Variants in TEK observed in about 807,000 individuals in gnomAD.
The protein encoded by TEK is TEK receptor tyrosine kinase, also known as angiopoietin-1 receptor.
Under a neutral mutation model 131.8 loss-of-function variants are expected in TEK, and 43 were observed. That is an observed-to-expected ratio of 0.33 (90% CI 0.26 to 0.42). The LOEUF (loss-of-function observed/expected upper bound fraction) is 0.42. Among genes scored for constraint, TEK ranks in the 10% least tolerant of loss-of-function variants. TEK has a pLI of 1.00. For synonymous variants in TEK, 580 were observed against 491.6 expected, an observed-to-expected ratio of 1.18 and a Z score of -2.38; for missense variants, 1,162 against 1,384.4, an observed-to-expected ratio of 0.84 and a Z score of 2.55.
intron 13 of TEK, among the ~76,000 whole-genome samples, chr9:27,204,693 GTTT>G (rs369682417): frequency 2.8e-4 from 40 of 144,174 alleles, no homozygotes; most frequent in African/African-American, 7.7e-4. Context: ...ACTTTTGCAT[GTTT>G]TTTTTTTTTT....
chr9:27,227,038 A>G (rs1826361638), intron 21 of TEK, among the ~76,000 whole-genome samples: 1 of 152,114 alleles, frequency 6.6e-6, no homozygotes, highest in Admixed American at 6.6e-5. Context: ...CTAAAATTCC[A>G]CCTTTTGAGA....
intron 1 of TEK, among the ~76,000 whole-genome samples, chr9:27,135,580 T>C (rs1030705007): frequency 4.6e-5 from 7 of 152,240 alleles, no homozygotes; most frequent in Admixed American, 2.0e-4. Context: ...TTTTTTTTCG[T>C]ATGTATGTAT....
At chr9:27,121,557 A>G (rs548162141) in intron 1 of TEK, among the ~76,000 whole-genome samples, 1 of 150,906 alleles carries the variant, frequency 6.6e-6, no homozygotes, top group South Asian at 2.1e-4. Flanking sequence ...ATTATATGCA[A>G]TATGCAAAAT....
intron 2 of TEK, among the ~76,000 whole-genome samples, chr9:27,167,620 T>C (rs569922350): frequency 6.6e-6 from 1 of 152,324 alleles, no homozygotes; most frequent in East Asian, 1.9e-4. Context: ...TTCATACATA[T>C]ATAATTAAAA....
chr9:27,173,285 A>T lies in TEK; in HGVS notation c.824A>T (p.Lys275Met). 6.2e-7 allele frequency: 1 copy of T among 1,614,088 alleles called. No individual in the cohort carries two copies. Among genetic ancestry groups the T allele is most frequent in the Non-Finnish European group, 8.5e-7 (1 of 1,179,948 alleles). The change falls in exon 6 of 23, where the codon AAG becomes ATG. Residue 275 changes from lysine to methionine, a missense_variant. Transcript: ENST00000380036. ...KERCSGQEGC[K>M]SYVFCLPDPY... ...AGGTGCAGTGGACAAGAGGGATGCA[A>T]GTCTTATGTGTTCTGTCTCCCTGAC...
At chr9:27,213,809 G>A (rs1451066496) in intron 18 of TEK, among the ~76,000 whole-genome samples, 1 of 152,204 alleles carries the variant, frequency 6.6e-6, no homozygotes, top group Non-Finnish European at 1.5e-5. Context: ...AGAAGGCACT[G>A]TCATGTGTGA....
At chr9:27,228,340 G>C in intron 22 of TEK, 35 bp downstream of exon 22, 1 of 1,502,190 alleles carries the variant, frequency 6.7e-7, no homozygotes, top group East Asian at 2.3e-5. Context: ...ATCTTTAATT[G>C]GAATACCTGA....
At chr9:27,172,148 G>C (rs1007374862) in intron 4 of TEK, among the ~76,000 whole-genome samples, 5 of 152,132 alleles carry the variant, frequency 3.3e-5, no homozygotes, top group Non-Finnish European at 7.4e-5. Flanking sequence ...GTGGGATCTG[G>C]GGTTTGCATT....
chr9:27,195,582 C>G (rs1270277673), intron 11 of TEK: 1 of 453,770 alleles, frequency 2.2e-6, no homozygotes, highest in Non-Finnish European at 4.4e-6. Context: ...TAGAGGATCT[C>G]TATCCTACGT....
At chr9:27,137,491 C>T (rs73643145) in intron 1 of TEK, among the ~76,000 whole-genome samples, 1 of 151,986 alleles carries the variant, frequency 6.6e-6, no homozygotes, top group Non-Finnish European at 1.5e-5. Context: ...AAACAAAGTT[C>T]TTATATTACA....
At chr9:27,206,411 A>C (rs1825401652) in intron 14 of TEK, among the ~76,000 whole-genome samples, 171 bp from the exon 15 acceptor site, 1 of 152,248 alleles carries the variant, frequency 6.6e-6, no homozygotes, top group Non-Finnish European at 1.5e-5. Flanking sequence ...CCCTGTGGGC[A>C]GCTGGTTTAT....
rs1824401278 is a variant in TEK, at chr9:27,182,126, G to A, written c.1031-1333G>A. 2.0e-5 allele frequency among the ~76,000 whole-genome samples: 3 copies of A among 152,176 alleles called. No homozygotes were observed. In the South Asian group the frequency reaches 6.2e-4, roughly 31 times the overall value. On this transcript the variant is annotated intron_variant, in intron 7 of 22. Transcript: ENST00000380036. ...GAACGTGGGCAGCTAACAAGTTTAA[G>A]GATTTGAATTTTGTGCTTTGTTCCT...
At position 27,212,915 on chromosome 9, in the gene TEK, C is replaced by T. The variant is rs768487170; in HGVS notation, c.2877+18C>T. 14 of 1,612,132 alleles carry T rather than the reference C, an allele frequency of 8.7e-6. No homozygotes were observed. Among genetic ancestry groups the T allele is most frequent in the East Asian group, 2.2e-5 (1 of 44,824 alleles). On this transcript the variant is annotated intron_variant, in intron 17 of 22. Coordinates refer to ENST00000380036, the MANE Select transcript of TEK (RefSeq NM_000459.5). ...AAAAACAGGTTTGTCCGGAGGACTT[C>T]GCTTTGGATATCTTTCCTGTGGAGT...
At chr9:27,220,206 C>A (rs1826007401) in intron 21 of TEK, 61 bp downstream of exon 21, 1 of 1,534,582 alleles carries the variant, frequency 6.5e-7, no homozygotes, top group Admixed American at 1.7e-5. Context: ...GTTTCTGGGG[C>A]CAGCTGACTC....
intron 21 of TEK, among the ~76,000 whole-genome samples, chr9:27,223,054 T>C (rs934502879): frequency 4.5e-4 from 68 of 152,304 alleles, no homozygotes; most frequent in African/African-American, 1.5e-3. Context: ...AAGGGATCAA[T>C]GCACCAAGAA....
At chr9:27,221,710 T>TAGTATCAACATCAACA (rs1826090111) in intron 21 of TEK, among the ~76,000 whole-genome samples, 1 of 152,074 alleles carries the variant, frequency 6.6e-6, no homozygotes, top group Non-Finnish European at 1.5e-5. Context: ...CAGAAAGGAA[T>TAGTATCAACATCAACA]AGTATCAACA....
At chr9:27,111,550 A>T (rs1821348267) in intron 1 of TEK, among the ~76,000 whole-genome samples, 1 of 148,762 alleles carries the variant, frequency 6.7e-6, no homozygotes, top group African/African-American at 2.5e-5. Flanking sequence ...AAAAAAAGCC[A>T]CTTTTTTTTA....
intron 21 of TEK, among the ~76,000 whole-genome samples, chr9:27,220,518 T>A (rs927415248): frequency 6.6e-6 from 1 of 152,224 alleles, no homozygotes; most frequent in African/African-American, 2.4e-5. Context: ...GCTGGCAAGA[T>A]GGCTGAATAG....
intron 2 of TEK, among the ~76,000 whole-genome samples, chr9:27,161,295 C>T (rs534739947): frequency 3.9e-5 from 6 of 152,344 alleles, no homozygotes; most frequent in Middle Eastern, 3.4e-3. Context: ...CCATCACTCA[C>T]CAGCTGTGTG....
Sources: gnomAD v4.1 joint callset for allele counts (sites outside exome capture counted in the v4.1 genomes callset) on GRCh38, gnomAD v4.1.1 for gene constraint, MANE v1.5 for transcripts, NCBI Gene and HGNC (gene_info 2026-07-23, HGNC 2026-07-21) for gene names.